Variants in PISD observed in about 807,000 individuals in gnomAD.
PISD encodes phosphatidylserine decarboxylase proenzyme, mitochondrial.
A neutral mutation model predicts 43.5 loss-of-function variants in PISD; 31 were observed. The observed-to-expected ratio is 0.71, with a 90% confidence interval of 0.54 to 0.96. PISD has a LOEUF of 0.96. Ranked by LOEUF, PISD falls within the 40% of genes least tolerant of loss-of-function variation. The pLI is 0.00. For synonymous variants in PISD, 259 were observed against 228.7 expected (o/e 1.13, Z -1.20); for missense variants, 523 against 548.4 (o/e 0.95, Z 0.46).
At chr22:31,624,038 A>G (rs1569482286) in intron 3 of PISD, among the ~76,000 whole-genome samples, 1 of 152,224 alleles carries the variant, frequency 6.6e-6, no homozygotes, top group East Asian at 1.9e-4. Context: ...ATTCTGATTC[A>G]GGGGCTTGGC....
chr22:31,651,849 A>G (rs756728482), intron 1 of PISD, among the ~76,000 whole-genome samples: 4 of 152,234 alleles, frequency 2.6e-5, no homozygotes, highest in Non-Finnish European at 5.9e-5. Flanking sequence ...ATAAATGACT[A>G]TGCCAGCAAG....
chr22:31,625,501 G>A, intron 3 of PISD: 1 of 584,636 alleles, frequency 1.7e-6, no homozygotes, highest in East Asian at 2.9e-5. Context: ...CCAGGGTAGG[G>A]AAGATCGCAG....
chr22:31,635,168 A>AAAAACAAAACAAAACAAAAC (rs75918790), intron 3 of PISD, among the ~76,000 whole-genome samples: 7,264 of 151,956 alleles, frequency 0.048, 166 homozygotes, highest in African/African-American at 0.06. Context: ...CTCCGTCTCA[A>AAAAACAAAACAAAACAAAAC]AAAACAAAAC....
chr22:31,660,814 A>C (rs1337537525), intron 1 of PISD, among the ~76,000 whole-genome samples: 2 of 151,842 alleles, frequency 1.3e-5, no homozygotes, highest in Non-Finnish European at 2.9e-5. Context: ...GCTTATTGCA[A>C]CCTCCGCCTC....
chr22:31,639,289 A>C (rs370247101), intron 3 of PISD, among the ~76,000 whole-genome samples: 4 of 151,522 alleles, frequency 2.6e-5, no homozygotes, highest in African/African-American at 9.7e-5. Context: ...CTCCTGTCTC[A>C]GCCTCCAAAT....
At chr22:31,641,926 G>C (rs2073742512) in intron 3 of PISD, among the ~76,000 whole-genome samples, 1 of 151,178 alleles carries the variant, frequency 6.6e-6, no homozygotes, top group Non-Finnish European at 1.5e-5. Flanking sequence ...GGATAAGGGG[G>C]AAACACTCCG....
At position 31,620,598 on chromosome 22, in the gene PISD, A is replaced by G; in HGVS notation, c.960T>C (p.Ala320=). Residue 320 remains alanine (A), a synonymous_variant, in exon 7 of 8, where the codon GCT becomes GCC. Coordinates refer to ENST00000439502, the MANE Select transcript of PISD (RefSeq NM_001326411.2). The part of the protein sequence containing the change: ...DWKHGFFSLT[A]VGATNVGSIR... ...TGGAGCCCACGTTGGTGGCCCCCACAGCTGTCAGTGAGAAGAAGCCATGTT... is the reference window on the plus strand; with the variant it reads ...TGGAGCCCACGTTGGTGGCCCCCACGGCTGTCAGTGAGAAGAAGCCATGTT... The G allele has an allele frequency of 6.2e-7, 1 of 1,614,234 alleles. No individual in the cohort carries two copies. Among genetic ancestry groups the G allele is most frequent in the Non-Finnish European group, 8.5e-7 (1 of 1,180,040 alleles).
chr22:31,620,831 C>T, intron 6 of PISD, 118 bp from the exon 7 acceptor site: 3 of 1,427,176 alleles, frequency 2.1e-6, no homozygotes, highest in Non-Finnish European at 2.9e-6. Context: ...AAATGCTGAG[C>T]TGACTGGGCC....
chr22:31,654,891 C>T (rs1238130853), intron 1 of PISD, among the ~76,000 whole-genome samples: 1 of 151,928 alleles, frequency 6.6e-6, no homozygotes, highest in Non-Finnish European at 1.5e-5. Flanking sequence ...GCCTGGGCAA[C>T]ACGGTAAAAC....
chr22:31,625,882 C>G, intron 3 of PISD: 2 of 1,549,926 alleles, frequency 1.3e-6, no homozygotes, highest in Non-Finnish European at 1.7e-6. Flanking sequence ...CTTTCCTCCC[C>G]TTCCCCCGAG....
At chr22:31,621,628 G>A (rs771507888) in intron 4 of PISD, 21 bp downstream of exon 4, 197 of 1,606,242 alleles carry the variant, frequency 1.2e-4, no homozygotes, top group Non-Finnish European at 8.5e-6. Flanking sequence ...TTTCCTGCAG[G>A]AGGAAAGGGT....
intron 1 of PISD, among the ~76,000 whole-genome samples, chr22:31,652,581 T>C (rs2074057970): frequency 6.6e-6 from 1 of 150,768 alleles, no homozygotes; most frequent in South Asian, 2.1e-4. Context: ...CCGAGGTGGG[T>C]GGATCACTTG....
Position 31,630,341 on chromosome 22 carries a change from C to T in PISD, c.322-8456G>A, listed in dbSNP as rs942762966. ...CACCCGCTCCCTGGCCCTCGGGCGC[C>T]GCCCTCTTCCCCAGGCGGCCTGCCC... On this transcript the variant is annotated intron_variant, in intron 3 of 7. Transcript: ENST00000439502. This position sits in a 1 kb window ranked among gnomAD's most constrained non-coding sequence, Gnocchi z 4.4. 2.0e-5 allele frequency among the ~76,000 whole-genome samples: 3 copies of T among 152,096 alleles called. No homozygotes were observed. The highest frequency in any genetic ancestry group is 7.2e-5 in the African/African-American group (3 of 41,428).
chr22:31,661,680 T>C (rs895494104), intron 1 of PISD, among the ~76,000 whole-genome samples: 4 of 152,200 alleles, frequency 2.6e-5, no homozygotes, highest in Non-Finnish European at 1.5e-5. Flanking sequence ...ACCAAGACTC[T>C]AGCCCCATAA....
chr22:31,650,867 A>G, intron 1 of PISD, 89 bp from the exon 2 acceptor site: 1 of 739,640 alleles, frequency 1.4e-6, no homozygotes, highest in Non-Finnish European at 2.3e-6. Context: ...CTCAATAACA[A>G]TATTGTAGCA....
intron 3 of PISD, among the ~76,000 whole-genome samples, chr22:31,631,423 C>T (rs187922423): frequency 1.9e-3 from 290 of 152,314 alleles, no homozygotes; most frequent in Middle Eastern, 0.017. Context: ...CCTCCAGGCA[C>T]GCAAAACCCT....
intron 3 of PISD, among the ~76,000 whole-genome samples, chr22:31,634,331 A>G (rs1471633600): frequency 6.6e-6 from 1 of 152,246 alleles, no homozygotes; most frequent in Non-Finnish European, 1.5e-5. Context: ...CAGAGAGGCC[A>G]GGCAAGCACA....
chr22:31,631,246 A>C (rs1304102478), intron 3 of PISD, among the ~76,000 whole-genome samples: 1 of 152,068 alleles, frequency 6.6e-6, no homozygotes, highest in Non-Finnish European at 1.5e-5. Flanking sequence ...CACTAGGCAG[A>C]CTCAGGACCC....
intron 3 of PISD, among the ~76,000 whole-genome samples, chr22:31,643,566 T>A (rs2073798610): frequency 1.3e-5 from 2 of 152,118 alleles, no homozygotes; most frequent in South Asian, 4.1e-4. Context: ...ACCACTACTC[T>A]CCAGCCTTAG....
Sources: allele counts gnomAD v4.1 joint callset (sites outside exome capture counted in the v4.1 genomes callset), GRCh38; gene constraint gnomAD v4.1.1; non-coding constraint Gnocchi (gnomAD v3.1); transcripts MANE v1.5; gene names NCBI Gene and HGNC (gene_info 2026-07-23, HGNC 2026-07-21).